SYT14: variants seen among roughly 807,000 people sequenced by gnomAD.
SYT14 encodes synaptotagmin-14.
A neutral mutation model predicts 74.2 loss-of-function variants in SYT14; 32 were observed. The observed-to-expected ratio is 0.43, with a 90% CI of 0.33 to 0.58. The LOEUF (loss-of-function observed/expected upper bound fraction) is 0.58, where lower values mean the gene tolerates loss of function less well. SYT14 is among the 20% of genes least tolerant of loss of function. The pLI is 0.05. For missense variants in SYT14, 791 were observed against 981.8 expected (o/e 0.81, Z 2.60); for synonymous variants, 298 against 337.7 (o/e 0.88, Z 1.29).
chr1:210,030,798 G>A (rs536124069), intron 5 of SYT14, among the ~76,000 whole-genome samples: 9 of 152,160 alleles, frequency 5.9e-5, no homozygotes, highest in East Asian at 5.8e-4. Flanking sequence ...AGGGAGGAGC[G>A]TCTGAGAGAA....
At chr1:210,055,317 A>C (rs2081074729) in intron 5 of SYT14, among the ~76,000 whole-genome samples, 1 of 152,202 alleles carries the variant, frequency 6.6e-6, no homozygotes, top group Non-Finnish European at 1.5e-5. Context: ...GATAGTTCTG[A>C]ATAAATGGTA....
At chr1:210,027,605 C>T (rs2102979597) in intron 5 of SYT14, among the ~76,000 whole-genome samples, 1 of 152,218 alleles carries the variant, frequency 6.6e-6, no homozygotes, top group East Asian at 1.9e-4. Flanking sequence ...TCGCACAGTT[C>T]AAACTCCTGT....
intron 5 of SYT14, 122 bp from the exon 5 acceptor site, chr1:210,094,200 C>T: frequency 7.6e-7 from 1 of 1,310,532 alleles, no homozygotes; most frequent in South Asian, 1.3e-5. Context: ...ATTAGTAAAT[C>T]TAATAGTTAT....
chr1:210,095,610 T>C (rs889458458), intron 6 of SYT14, among the ~76,000 whole-genome samples: 3 of 152,206 alleles, frequency 2.0e-5, no homozygotes, highest in African/African-American at 7.2e-5. Flanking sequence ...CAACATTCAG[T>C]AATACTGAAA....
At chr1:210,075,661 T>TG (rs1359711634) in intron 5 of SYT14, among the ~76,000 whole-genome samples, 1 of 152,078 alleles carries the variant, frequency 6.6e-6, no homozygotes, top group Non-Finnish European at 1.5e-5. Flanking sequence ...AGGCACAGGA[T>TG]GGGGGCGTGG....
intron 7 of SYT14, among the ~76,000 whole-genome samples, chr1:210,118,164 A>G (rs2082394350): frequency 6.6e-6 from 1 of 152,216 alleles, no homozygotes; most frequent in African/African-American, 2.4e-5. Context: ...TTTATGGTAG[A>G]TTATAACACA....
intron 1 of SYT14, among the ~76,000 whole-genome samples, chr1:209,946,671 A>G (rs538339095): frequency 6.6e-6 from 1 of 152,378 alleles, no homozygotes; most frequent in East Asian, 1.9e-4. Flanking sequence ...GCAAGTGCTG[A>G]TAGAGAAGCT....
intron 2 of SYT14, among the ~76,000 whole-genome samples, chr1:209,982,055 A>G (rs970459152): frequency 6.6e-6 from 1 of 151,680 alleles, no homozygotes; most frequent in African/African-American, 2.4e-5. Flanking sequence ...TTATTCCCTC[A>G]GTTATGTTTT....
At chr1:210,086,501 A>G (rs2081735009) in intron 5 of SYT14, among the ~76,000 whole-genome samples, 1 of 152,212 alleles carries the variant, frequency 6.6e-6, no homozygotes, top group Non-Finnish European at 1.5e-5. Context: ...CTTTTGACAT[A>G]TCCCCATCAG....
At chr1:210,016,227 C>A in exon 4 of SYT14, 1 of 1,232,034 alleles carries the variant, frequency 8.1e-7, no homozygotes, top group East Asian at 3.2e-5. Flanking sequence ...CAAAAAAATG[C>A]CGGGTTAACA....
At chr1:210,125,501 A>G (rs2082551786) in intron 7 of SYT14, among the ~76,000 whole-genome samples, 1 of 152,174 alleles carries the variant, frequency 6.6e-6, no homozygotes, top group Non-Finnish European at 1.5e-5. Context: ...CTCTTGATCA[A>G]ACTAAGATAG....
intron 5 of SYT14, among the ~76,000 whole-genome samples, chr1:210,032,043 T>C (rs1452272068): frequency 6.6e-6 from 1 of 152,110 alleles, no homozygotes; most frequent in Non-Finnish European, 1.5e-5. Context: ...AGGAAAGTAA[T>C]ACCTGGTGGA....
chr1:210,103,156 A>G (rs947964945), intron 7 of SYT14, among the ~76,000 whole-genome samples: 5 of 152,196 alleles, frequency 3.3e-5, no homozygotes, highest in African/African-American at 1.2e-4. Context: ...TTAGTTTTAT[A>G]GCTAGTTTTG....
exon 10 of SYT14, chr1:210,167,238 G>GT (rs2083465626): frequency 6.6e-6 from 1 of 152,218 alleles, no homozygotes; most frequent in African/African-American, 2.4e-5. Context: ...CTTGCATACA[G>GT]TAAGATTTCT....
chr1:210,149,112 A>G (rs189205996), intron 7 of SYT14, among the ~76,000 whole-genome samples: 2 of 152,148 alleles, frequency 1.3e-5, no homozygotes, highest in Non-Finnish European at 2.9e-5. Flanking sequence ...ATATGTTCAT[A>G]TCGAATACAG....
At chr1:210,003,935 A>AC (rs2079945661) in intron 2 of SYT14, among the ~76,000 whole-genome samples, 3 of 151,622 alleles carry the variant, frequency 2.0e-5, no homozygotes. Flanking sequence ...CTGCTTTTTA[A>AC]TTTTTTTTCC....
At chr1:210,034,309 T>C (rs2080607423) in intron 5 of SYT14, among the ~76,000 whole-genome samples, 2 of 151,766 alleles carry the variant, frequency 1.3e-5, no homozygotes, top group South Asian at 4.1e-4. Flanking sequence ...TTAGATAACA[T>C]AATATGAGAA....
At chr1:209,973,524 C>A (rs1351430952) in intron 2 of SYT14, among the ~76,000 whole-genome samples, 1 of 152,144 alleles carries the variant, frequency 6.6e-6, no homozygotes, top group Admixed American at 6.5e-5. Flanking sequence ...AACCATGTCC[C>A]TACAAAGGAC....
chr1:210,149,541 T>C lies in SYT14; in HGVS notation c.2035-6180T>C, dbSNP rs190427110. On this transcript the variant is annotated intron_variant, in intron 7 of 9. Coordinates refer to ENST00000637265, the Ensembl canonical transcript of SYT14. ...ACATGATGCTATGGTCAAACGCTGATAAAATATTTTGTTATTATGGTTATT... is the reference window on the plus strand; with the variant it reads ...ACATGATGCTATGGTCAAACGCTGACAAAATATTTTGTTATTATGGTTATT... Among the ~76,000 whole-genome samples the C allele has an allele frequency of 2.6e-5, 4 of 152,352 alleles. No individual in the cohort carries two copies. In the East Asian group the frequency reaches 7.7e-4, roughly 29 times the overall value.
Sources: gnomAD v4.1 joint callset for allele counts (sites outside exome capture counted in the v4.1 genomes callset) on GRCh38, gnomAD v4.1.1 for gene constraint, MANE v1.5 for transcripts, NCBI Gene and HGNC (gene_info 2026-07-23, HGNC 2026-07-21) for gene names.